LFNG: variants seen among roughly 807,000 people sequenced by gnomAD.
LFNG encodes the protein LFNG O-fucosylpeptide 3-beta-N-acetylglucosaminyltransferase, also known as beta-1,3-N-acetylglucosaminyltransferase lunatic fringe.
In LFNG, 15 loss-of-function variants were observed where a neutral mutation model predicts 32.7. The ratio of observed to expected loss-of-function variants is 0.46; its 90% confidence interval spans 0.31 to 0.71. The LOEUF (loss-of-function observed/expected upper bound fraction) is 0.71. Ranked by LOEUF, LFNG falls within the 30% of genes least tolerant of loss-of-function variation. LFNG has a pLI of 0.06. For missense variants in LFNG, 520 were observed against 545.7 expected, an observed-to-expected ratio of 0.95 and a Z score of 0.47; for synonymous variants, 274 against 246.8, an observed-to-expected ratio of 1.11 and a Z score of -1.03.
In LFNG at chr7:2,526,346, C is replaced by T. The variant is rs765338425; in HGVS notation, c.924C>T (p.Ser308=). Residue 308 remains serine, a synonymous_variant, in exon 6 of 8, where the codon AGC becomes AGT. Transcript: ENST00000222725. The surrounding 1 kb of genome is among the most constrained non-coding windows in gnomAD (Gnocchi z 6.9). ...EALLGVPLIR[S]GLFHSHLENL... Reference sequence around the variant, plus strand: ...TGCTGGGTGTGCCCCTCATCCGCAGCGGCCTCTTCCACTCCCACCTGGAGA... The same window carrying T: ...TGCTGGGTGTGCCCCTCATCCGCAGTGGCCTCTTCCACTCCCACCTGGAGA... The T allele has an allele frequency of 1.7e-5, 28 of 1,612,064 alleles. No individual in the cohort carries two copies. The highest frequency in any genetic ancestry group is 1.6e-4 in the Middle Eastern group (1 of 6,084).
rs1030498688 is a variant in LFNG at position 2,526,289 on chromosome 7, T to C, written c.867T>C (p.Asp289=). 2 of 1,612,900 alleles carry C rather than the reference T, an allele frequency of 1.2e-6. No homozygotes were observed. Among genetic ancestry groups the C allele is most frequent in the African/African-American group, 1.3e-5 (1 of 74,926 alleles). Residue 289 remains aspartate, a synonymous_variant, in exon 6 of 8, where the codon GAT becomes GAC. Transcript: ENST00000222725. The surrounding 1 kb of genome is among the most constrained non-coding windows in gnomAD (Gnocchi z 6.9). ...MNTAERIRLP[D]DCTIGYIVEA... ...CGGCTGAGCGGATCCGGCTGCCTGA[T>C]GACTGCACCATCGGCTACATCGTGG...
rs1779743801 is a variant in LFNG, at chr7:2,520,099, C to T, written c.238C>T (p.Leu80=). Residue 80 remains leucine, a synonymous_variant, in exon 1 of 8, where the codon CTG becomes TTG. Transcript: ENST00000222725. The surrounding 1 kb of genome is among the most constrained non-coding windows in gnomAD (Gnocchi z 5.0). Reference sequence around the variant, plus strand: ...GCACAGTCTGTCCGAGTACTTCAGCCTGCTCACCCGCGCGCGCAGAGATGC... The same window carrying T: ...GCACAGTCTGTCCGAGTACTTCAGCTTGCTCACCCGCGCGCGCAGAGATGC... ...DVHSLSEYFS[L]LTRARRDAGP... is the part of the protein sequence containing the mutation. 2 of 1,341,666 alleles carry T rather than the reference C, an allele frequency of 1.5e-6. No homozygotes were observed. The highest frequency in any genetic ancestry group is 9.6e-7 in the Non-Finnish European group (1 of 1,036,628). 83.1% of individuals were successfully genotyped at this position (1,341,666 alleles called of 1,614,324 possible). A position where few individuals can be genotyped will look rare whatever the true frequency, so the allele number is the denominator to read the frequency against.
At chr7:2,513,159 C>T, upstream of LFNG, 1 of 1,613,622 alleles carries the variant, frequency 6.2e-7, no homozygotes, top group East Asian at 2.2e-5. Flanking sequence ...TCCCCCAGTG[C>T]CAAGCAGATC....
In LFNG at chr7:2,525,455, G is replaced by T. The variant is rs369448148; in HGVS notation, c.623G>T (p.Arg208Leu). The change falls in exon 4 of 8, where the codon CGG (arginine) becomes CTG (leucine). Residue 208 changes from arginine to leucine, a missense_variant. This residue lies in a region of LFNG where 360 missense variants were observed against 354.7 expected (regional missense o/e 1.01). Transcript: ENST00000222725. ...GACGATGACAACTACGTCAACCTGC[G>T]GGCCCTGCTGCGGCTGCTGGCCAGC... is the stretch of plus-strand genomic sequence containing the variant. ...HVDDDNYVNL[R>L]ALLRLLASYP... 9.3e-6 allele frequency: 15 copies of T among 1,612,758 alleles called. No homozygotes were observed. The highest frequency in any genetic ancestry group is 1.3e-5 in the African/African-American group (1 of 75,070).
In LFNG at chr7:2,527,458, AG is replaced by A; in HGVS notation, c.*249del. On this transcript the variant is annotated 3_prime_UTR_variant, in exon 8 of 8. Coordinates refer to ENST00000222725, the MANE Select transcript of LFNG (RefSeq NM_001040167.2). This position sits in a 1 kb window ranked among gnomAD's most constrained non-coding sequence, Gnocchi z 4.4. ...TCTGCTCCGAGGGCCAGTGGGCTGC[AG>A]GGCCTGCTTGGAGGAAGGATTTGTG... The A allele has an allele frequency of 7.1e-6, 10 of 1,417,546 alleles. No homozygotes were observed. Among genetic ancestry groups the A allele is most frequent in the Non-Finnish European group, 9.2e-6 (10 of 1,086,018 alleles). 87.8% of individuals were successfully genotyped at this position (1,417,546 alleles called of 1,614,324 possible). A position where few individuals can be genotyped will look rare whatever the true frequency, so the allele number is the denominator to read the frequency against.
Position 2,526,217 on chromosome 7 carries a change from A to T in LFNG, c.822-27A>T, listed in dbSNP as rs766519300. The T allele has an allele frequency of 1.2e-6, 2 of 1,611,728 alleles. No homozygotes were observed. Among genetic ancestry groups the T allele is most frequent in the Non-Finnish European group, 1.7e-6 (2 of 1,179,822 alleles). On this transcript the variant is annotated intron_variant, in intron 5 of 7. Coordinates refer to ENST00000222725, the MANE Select transcript of LFNG (RefSeq NM_001040167.2). The surrounding 1 kb of genome is among the most constrained non-coding windows in gnomAD (Gnocchi z 6.9). ...CAGCAGATGGCTCCCGCCTCTGCTC[A>T]CTGGTCTGGGCCCTTCCCTCCCGCA... is the stretch of plus-strand genomic sequence containing the variant.
rs1165063023 is a variant in LFNG, at chr7:2,526,365, C to T, written c.943C>T (p.Leu315=). Residue 315 remains leucine (L), a synonymous_variant, in exon 6 of 8, where the codon CTG becomes TTG. Coordinates refer to ENST00000222725, the MANE Select transcript of LFNG (RefSeq NM_001040167.2). This position sits in a 1 kb window ranked among gnomAD's most constrained non-coding sequence, Gnocchi z 6.9. ...CCGCAGCGGCCTCTTCCACTCCCACCTGGAGAACCTGCAGCAGGTGCCCAC... is the reference window on the plus strand; with the variant it reads ...CCGCAGCGGCCTCTTCCACTCCCACTTGGAGAACCTGCAGCAGGTGCCCAC... ...LIRSGLFHSH[L]ENLQQVPTSE... is the part of the protein sequence containing the mutation. 1.9e-6 allele frequency: 3 copies of T among 1,611,586 alleles called. No homozygotes were observed. Among genetic ancestry groups the T allele is most frequent in the African/African-American group, 1.3e-5 (1 of 74,932 alleles).
upstream of LFNG, among the ~76,000 whole-genome samples, chr7:2,517,359 C>A (rs1165112440): frequency 2.6e-5 from 4 of 152,156 alleles, no homozygotes; most frequent in East Asian, 3.9e-4. Flanking sequence ...AGCATCAGGT[C>A]CCCCACTCCT....
chr7:2,526,207 G>A lies in LFNG; in HGVS notation c.822-37G>A, dbSNP rs199834015. 2.3e-4 allele frequency: 374 copies of A among 1,609,424 alleles called. 1 individual carries two copies. The East Asian group carries it at 5.1e-3, about 22-fold the overall frequency. On this transcript the variant is annotated intron_variant, in intron 5 of 7. Transcript: ENST00000222725. This position sits in a 1 kb window ranked among gnomAD's most constrained non-coding sequence, Gnocchi z 6.9. ...CCCCAGCTCCCAGCAGATGGCTCCCGCCTCTGCTCACTGGTCTGGGCCCTT... is the reference window on the plus strand; with the variant it reads ...CCCCAGCTCCCAGCAGATGGCTCCCACCTCTGCTCACTGGTCTGGGCCCTT...
chr7:2,517,734 T>G, upstream of LFNG: 5 of 531,496 alleles, frequency 9.4e-6, no homozygotes, highest in Non-Finnish European at 1.7e-5. Flanking sequence ...CGTGCACATA[T>G]TTGGGGGCTT....
upstream of LFNG, among the ~76,000 whole-genome samples, chr7:2,518,929 G>A (rs982647884): frequency 6.6e-6 from 1 of 152,106 alleles, no homozygotes; most frequent in South Asian, 2.1e-4. Flanking sequence ...CCGTGGGAAG[G>A]GCCGGGGATG....
chr7:2,515,208 GTCTA>G (rs1468536546), upstream of LFNG, among the ~76,000 whole-genome samples: 6 of 151,540 alleles, frequency 4.0e-5, no homozygotes, highest in African/African-American at 1.2e-4. Context: ...CTGTCCATCT[GTCTA>G]TCCATTCATT....
chr7:2,524,591 C>T lies in LFNG; in HGVS notation c.433-104C>T, dbSNP rs1235721632. ...GAGAAGGGTGGGTGTCAGTGTGACG[C>T]AGCTGCAGCTGCAGCAACTCCAGGG... is the stretch of plus-strand genomic sequence containing the variant. On this transcript the variant is annotated intron_variant, in intron 1 of 7. Transcript: ENST00000222725. The T allele has an allele frequency of 3.7e-6, 4 of 1,069,986 alleles. No individual in the cohort carries two copies. In the South Asian group the frequency reaches 5.4e-5, roughly 14 times the overall value. The allele number at this position is 1,069,986 out of a possible 1,614,324, so 66.3% of individuals were successfully genotyped here. A position where few individuals can be genotyped will look rare whatever the true frequency, so the allele number is the denominator to read the frequency against.
At position 2,527,191 on chromosome 7, in the gene LFNG, TC is replaced by T. The variant is rs1780012624; in HGVS notation, c.1123del (p.Arg375AlafsTer10). The T allele has an allele frequency of 6.2e-7, 1 of 1,612,858 alleles. No homozygotes were observed. The highest frequency in any genetic ancestry group is 8.5e-7 in the Non-Finnish European group (1 of 1,179,940). On this transcript the variant is annotated frameshift_variant, in exon 8 of 8. Coordinates refer to ENST00000222725, the MANE Select transcript of LFNG (RefSeq NM_001040167.2). LOFTEE classifies it high-confidence loss of function. The surrounding 1 kb of genome is among the most constrained non-coding windows in gnomAD (Gnocchi z 4.4). ...ACCTGTACCCGGACACACCCTGGTG[TC>T]CCCGCACTGCCATCTTCTAGTGGCC... is the stretch of plus-strand genomic sequence containing the variant. ...CHLYPDTPWC[P>X]RTAIF
rs1780033758 is a variant in LFNG at position 2,527,656 on chromosome 7, A to G, written c.*444A>G. On this transcript the variant is annotated 3_prime_UTR_variant, in exon 8 of 8. Coordinates refer to ENST00000222725, the MANE Select transcript of LFNG (RefSeq NM_001040167.2). The surrounding 1 kb of genome is among the most constrained non-coding windows in gnomAD (Gnocchi z 4.4). ...CCTGAAGTCCTGGCCCCTGTGTCAT[A>G]GCCCCAAGTACGACTCACTGAGCCA... The G allele has an allele frequency of 1.1e-5, 12 of 1,137,328 alleles. No homozygotes were observed. Among genetic ancestry groups the G allele is most frequent in the Non-Finnish European group, 1.2e-5 (11 of 916,740 alleles). The allele number at this position is 1,137,328 out of a possible 1,614,324, so 70.5% of individuals were successfully genotyped here.
rs776136278 is a variant in LFNG, at chr7:2,527,241, C to A, written c.*29C>A. On this transcript the variant is annotated 3_prime_UTR_variant, in exon 8 of 8. Transcript: ENST00000222725. The surrounding 1 kb of genome is among the most constrained non-coding windows in gnomAD (Gnocchi z 4.4). ...CCATGGCTGAGACCCAATCCCTGGG[C>A]GCCCCTGGTATCCAAAGGGCCCAGG... 1 of 1,609,860 alleles carries A rather than the reference C, an allele frequency of 6.2e-7. No homozygotes were observed. Among genetic ancestry groups the A allele is most frequent in the African/African-American group, 1.3e-5 (1 of 74,882 alleles).
chr7:2,524,732 C>A lies in LFNG; in HGVS notation c.470C>A (p.Ala157Asp). 6.3e-7 allele frequency: 1 copy of A among 1,589,888 alleles called. No individual in the cohort carries two copies. The highest frequency in any genetic ancestry group is 8.6e-7 in the Non-Finnish European group (1 of 1,168,324). ...ACTGACGGGGAAGATGAGGCCCTGG[C>A]CAGGCACACGGGTGAGCCCTGGACT... The part of the protein sequence containing the change: ...IFTDGEDEAL[A>D]RHTGNVVITN... The change falls in exon 2 of 8, where the codon GCC (alanine) becomes GAC (aspartate). Residue 157 changes from alanine to aspartate, a missense_variant. This residue lies in a region of LFNG where 360 missense variants were observed against 354.7 expected (regional missense o/e 1.01). Transcript: ENST00000222725.
At chr7:2,517,563 C>T (rs575242550), upstream of LFNG, 1 of 409,764 alleles carries the variant, frequency 2.4e-6, no homozygotes, top group African/African-American at 2.1e-5. Context: ...AGCTGGGGAG[C>T]AGGAGTTGCG....
rs1384687283 is a variant in LFNG, at chr7:2,526,621, C to G, written c.987+212C>G. 1.3e-5 allele frequency among the ~76,000 whole-genome samples: 2 copies of G among 152,184 alleles called. No homozygotes were observed. The highest frequency in any genetic ancestry group is 4.8e-5 in the African/African-American group (2 of 41,440). Reference sequence around the variant, plus strand: ...GTCTCTTCTCTTCACTGTGATGCGCCTACTGTGCGTATTTTGTCCACGCTG... The same window carrying G: ...GTCTCTTCTCTTCACTGTGATGCGCGTACTGTGCGTATTTTGTCCACGCTG... On this transcript the variant is annotated intron_variant, in intron 6 of 7. Transcript: ENST00000222725. The surrounding 1 kb of genome is among the most constrained non-coding windows in gnomAD (Gnocchi z 6.9).
Sources: allele counts gnomAD v4.1 joint callset (sites outside exome capture counted in the v4.1 genomes callset), GRCh38; gene constraint gnomAD v4.1.1; regional missense constraint gnomAD v4.1.1; non-coding constraint Gnocchi (gnomAD v3.1); transcripts MANE v1.5; gene names NCBI Gene and HGNC (gene_info 2026-07-23, HGNC 2026-07-21).